The following ARID1B variants were observed in gnomAD, a reference collection of about 807,000 sequenced individuals.
ARID1B encodes the protein AT-rich interactive domain-containing protein 1B.
A neutral mutation model predicts 212.3 loss-of-function variants in ARID1B; 30 were observed. The ratio of observed to expected loss-of-function variants is 0.14; its 90% confidence interval spans 0.11 to 0.19. The LOEUF is 0.19. ARID1B is among the 10% of genes least tolerant of loss of function. ARID1B has a pLI of 1.00. For synonymous variants in ARID1B, 1,402 were observed against 1,301.7 expected (o/e 1.08, Z -1.66); for missense variants, 2,891 against 3,204.0 (o/e 0.90, Z 2.36).
In ARID1B at chr6:157,206,314, G is replaced by T; in HGVS notation, c.5542G>T (p.Ala1848Ser). The T allele has an allele frequency of 6.2e-7, 1 of 1,614,188 alleles. No individual in the cohort carries two copies. The highest frequency in any genetic ancestry group is 8.5e-7 in the Non-Finnish European group (1 of 1,180,028). Residue 1848 changes from alanine (A) to serine (S), a missense_variant, in exon 20 of 20, where the codon GCA (alanine) becomes TCA (serine). Physicochemically the swap from Ala to Ser is moderately conservative, Grantham distance 99. Transcript: ENST00000636930. The surrounding 1 kb of genome is among the most constrained non-coding windows in gnomAD (Gnocchi z 6.8). ...AAGGAAGGATGACAGCCAGTCCTTG[G>T]CAGACGATTCTGGGAAAGAGGAGGA... Reference protein sequence around the residue: ...AARKDDSQSLADDSGKEEEDA... With the variant: ...AARKDDSQSLSDDSGKEEEDA...
chr6:157,186,464 G>A lies in ARID1B; in HGVS notation c.3919+2029G>A, dbSNP rs566480933. The A allele has an allele frequency of 2.5e-4, 117 of 471,138 alleles. 1 individual carries two copies. The highest frequency in any genetic ancestry group is 1.2e-3 in the South Asian group (79 of 64,564). 29.2% of individuals were successfully genotyped at this position (471,138 alleles called of 1,614,324 possible). A position where few individuals can be genotyped will look rare whatever the true frequency, so the allele number is the denominator to read the frequency against. Reference sequence around the variant, plus strand: ...CAGGGGGCTCCAGGCACACACAGGCGTCTGGGGGTCGCAGGCAGAGGCACC... The same window carrying A: ...CAGGGGGCTCCAGGCACACACAGGCATCTGGGGGTCGCAGGCAGAGGCACC... On this transcript the variant is annotated intron_variant, in intron 13 of 19. Transcript: ENST00000636930.
Position 157,136,173 on chromosome 6 carries a change from G to A in ARID1B, c.2761+2966G>A, listed in dbSNP as rs553869829. Among the ~76,000 whole-genome samples the A allele has an allele frequency of 2.6e-5, 4 of 152,304 alleles. 1 individual carries two copies. The South Asian group carries it at 8.3e-4, about 32-fold the overall frequency. On this transcript the variant is annotated intron_variant, in intron 7 of 19. Coordinates refer to ENST00000636930, the MANE Select transcript of ARID1B (RefSeq NM_001374828.1). ...CCACTTTACAGAGGAAGAAACTGAG[G>A]CACAGAACAGGTGAATAGTTTTGCC...
chr6:156,931,190 C>CAA (rs11309121), intron 3 of ARID1B, among the ~76,000 whole-genome samples: 56 of 90,060 alleles, frequency 6.2e-4, no homozygotes, highest in Non-Finnish European at 1.0e-3. Flanking sequence ...GACTCAGTCT[C>CAA]AAAAAAAAAA....
At chr6:157,184,053 C>T (rs967633656) in intron 12 of ARID1B, among the ~76,000 whole-genome samples, 178 bp from the exon 13 acceptor site, 1 of 152,068 alleles carries the variant, frequency 6.6e-6, no homozygotes, top group African/African-American at 2.4e-5. Context: ...TCAGCAGGTT[C>T]CCTAATGGTT....
chr6:157,082,490 A>G (rs190239311), intron 4 of ARID1B, among the ~76,000 whole-genome samples: 10 of 152,260 alleles, frequency 6.6e-5, no homozygotes, highest in African/African-American at 2.2e-4. Context: ...GATTAGCATA[A>G]ATGTTTATAT....
Position 157,201,709 on chromosome 6 carries a change from G to C in ARID1B, c.5263+221G>C, listed in dbSNP as rs552802267. ...TGGCCGGGCGCGGTGGCTCATGCCT[G>C]TAATACCAGCACTTTGGGAGGCCCA... On this transcript the variant is annotated intron_variant, in intron 18 of 19. Transcript: ENST00000636930. This position sits in a 1 kb window ranked among gnomAD's most constrained non-coding sequence, Gnocchi z 5.2. Among the ~76,000 whole-genome samples, 1 of 152,208 alleles carries C rather than the reference G, an allele frequency of 6.6e-6. No individual in the cohort carries two copies. Among genetic ancestry groups the C allele is most frequent in the Non-Finnish European group, 1.5e-5 (1 of 68,042 alleles).
intron 4 of ARID1B, among the ~76,000 whole-genome samples, chr6:157,058,368 G>A (rs1562584391): frequency 6.6e-6 from 1 of 151,490 alleles, no homozygotes; most frequent in South Asian, 2.1e-4. Context: ...GGGTTCAAGC[G>A]ATTCTCCTGC....
intron 2 of ARID1B, among the ~76,000 whole-genome samples, chr6:156,886,078 G>A (rs1163318158): frequency 6.6e-6 from 1 of 152,202 alleles, no homozygotes; most frequent in Non-Finnish European, 1.5e-5. Flanking sequence ...ATATCTCAAA[G>A]TTTGAAAAAG....
chr6:156,852,983 A>G (rs1030506920), intron 2 of ARID1B, among the ~76,000 whole-genome samples: 21 of 152,208 alleles, frequency 1.4e-4, no homozygotes, highest in African/African-American at 5.1e-4. Context: ...TATAATGCTG[A>G]TAGGGATAAT....
intron 1 of ARID1B, among the ~76,000 whole-genome samples, chr6:156,788,836 G>A (rs1280632730): frequency 6.6e-6 from 1 of 151,966 alleles, no homozygotes; most frequent in African/African-American, 2.4e-5. Flanking sequence ...AAACTATCAG[G>A]GACAAAATGT....
intron 2 of ARID1B, among the ~76,000 whole-genome samples, chr6:156,897,258 C>CTTATTA (rs1181438273): frequency 0.01 from 871 of 86,840 alleles, 5 homozygotes; most frequent in African/African-American, 0.025. Context: ...TCTTCTTCTT[C>CTTATTA]TTCTTCTTAT....
intron 1 of ARID1B, among the ~76,000 whole-genome samples, chr6:156,792,013 T>TC (rs1253420189): frequency 6.6e-6 from 1 of 152,100 alleles, no homozygotes; most frequent in Non-Finnish European, 1.5e-5. Flanking sequence ...AAAGCAGAAA[T>TC]CTTTAAAAAA....
chr6:157,109,222 T>G (rs1786716789), intron 5 of ARID1B, among the ~76,000 whole-genome samples: 1 of 152,132 alleles, frequency 6.6e-6, no homozygotes, highest in African/African-American at 2.4e-5. Flanking sequence ...TACCAGGCTT[T>G]GTGCTGAATG....
At chr6:157,136,309 A>G (rs1022410123) in intron 7 of ARID1B, among the ~76,000 whole-genome samples, 3 of 152,142 alleles carry the variant, frequency 2.0e-5, no homozygotes, top group African/African-American at 7.2e-5. Flanking sequence ...TGTAAATGAG[A>G]ACACCAAAGC....
intron 4 of ARID1B, among the ~76,000 whole-genome samples, chr6:156,971,273 G>T (rs1313635429): frequency 6.6e-6 from 1 of 152,144 alleles, no homozygotes; most frequent in East Asian, 1.9e-4. Context: ...TTTCCTTATT[G>T]ATAGACAGAT....
chr6:156,923,130 T>G (rs891317063), intron 3 of ARID1B, among the ~76,000 whole-genome samples: 6 of 152,036 alleles, frequency 3.9e-5, no homozygotes, highest in African/African-American at 1.4e-4. Context: ...GGAGGATAGG[T>G]GAAGGGTGGG....
chr6:156,861,454 C>A (rs1015729276), intron 2 of ARID1B, among the ~76,000 whole-genome samples: 1 of 151,466 alleles, frequency 6.6e-6, no homozygotes. Flanking sequence ...ACAAAAAATA[C>A]AAAAAAATTA....
chr6:156,948,701 A>T (rs371558217), intron 4 of ARID1B, among the ~76,000 whole-genome samples: 3 of 152,202 alleles, frequency 2.0e-5, no homozygotes, highest in Non-Finnish European at 2.9e-5. Flanking sequence ...AAGATTTTAT[A>T]TTAGATGTAA....
At chr6:157,131,685 GTT>G (rs972807728) in intron 6 of ARID1B, among the ~76,000 whole-genome samples, 3 of 151,994 alleles carry the variant, frequency 2.0e-5, no homozygotes, top group African/African-American at 7.2e-5. Context: ...CCTTGATGAT[GTT>G]TTGTTTTGTT....
Sources: gnomAD v4.1 joint callset for allele counts (sites outside exome capture counted in the v4.1 genomes callset) on GRCh38, gnomAD v4.1.1 for gene constraint, Gnocchi (gnomAD v3.1) non-coding constraint, MANE v1.5 for transcripts, NCBI Gene and HGNC (gene_info 2026-07-23, HGNC 2026-07-21) for gene names.